Variants in DNAJB4 observed in about 807,000 individuals in gnomAD.
The protein encoded by DNAJB4 is DnaJ heat shock protein family (Hsp40) member B4, also known as dnaJ homolog subfamily B member 4.
Under a neutral mutation model 26.6 loss-of-function variants are expected in DNAJB4, and 10 were observed. That is an observed-to-expected ratio of 0.38 (90% CI 0.23 to 0.64). The LOEUF (loss-of-function observed/expected upper bound fraction) is 0.64. Among genes scored for constraint, DNAJB4 ranks in the 30% least tolerant of loss-of-function variants. The pLI is 0.58. For missense variants in DNAJB4, 328 were observed against 408.2 expected, an observed-to-expected ratio of 0.80 and a Z score of 1.69; for synonymous variants, 136 against 134.8, an observed-to-expected ratio of 1.01 and a Z score of -0.06.
intron 1 of DNAJB4, among the ~76,000 whole-genome samples, chr1:78,009,962 G>T (rs1051601544): frequency 1.4e-5 from 2 of 144,080 alleles, no homozygotes; most frequent in Non-Finnish European, 2.9e-5. Context: ...TTCGTTCTTT[G>T]TCTGAGCTGC....
intron 1 of DNAJB4, among the ~76,000 whole-genome samples, chr1:78,012,802 C>T (rs1660526360): frequency 1.8e-5 from 2 of 111,454 alleles, no homozygotes; most frequent in Non-Finnish European, 4.2e-5. Context: ...AAGAGCGAAA[C>T]TCTGTCTCAA....
At chr1:78,013,019 T>G in intron 1 of DNAJB4, 32 bp from the exon 2 acceptor site, 1 of 1,519,406 alleles carries the variant, frequency 6.6e-7, no homozygotes, top group Non-Finnish European at 8.8e-7. Flanking sequence ...AGTTGCAAGC[T>G]TTTTTCTAAT....
upstream of DNAJB4, chr1:77,979,176 C>T (rs1445842183): frequency 2.9e-5 from 19 of 652,488 alleles, no homozygotes; most frequent in South Asian, 2.2e-4. Context: ...CGAGGCAACG[C>T]GCTGGTGTGG....
chr1:78,014,591 T>TCTA (rs1242644846), intron 2 of DNAJB4, among the ~76,000 whole-genome samples: 2 of 152,036 alleles, frequency 1.3e-5, no homozygotes, highest in Non-Finnish European at 2.9e-5. Context: ...CCAAGTTTGC[T>TCTA]CTATTATTAT....
At chr1:77,983,405 A>T (rs1391131431) in intron 1 of DNAJB4, among the ~76,000 whole-genome samples, 1 of 152,144 alleles carries the variant, frequency 6.6e-6, no homozygotes, top group Admixed American at 6.5e-5. Flanking sequence ...AATCCTCCTC[A>T]GCACAGACCC....
At chr1:77,993,559 G>A (rs763588287) in intron 1 of DNAJB4, among the ~76,000 whole-genome samples, 4 of 151,950 alleles carry the variant, frequency 2.6e-5, no homozygotes, top group African/African-American at 7.3e-5. Flanking sequence ...CAATTGATCC[G>A]CCCTCCTTGG....
intron 1 of DNAJB4, among the ~76,000 whole-genome samples, chr1:77,988,213 G>A (rs750938447): frequency 2.6e-5 from 4 of 151,874 alleles, no homozygotes; most frequent in Non-Finnish European, 5.9e-5. Context: ...TGTAGAGGCA[G>A]AGTATTGTTA....
At chr1:77,988,839 G>A (rs1371725136) in intron 1 of DNAJB4, among the ~76,000 whole-genome samples, 1 of 152,146 alleles carries the variant, frequency 6.6e-6, no homozygotes, top group East Asian at 1.9e-4. Context: ...ATGAGGCAGG[G>A]ATTTTTGTTC....
chr1:77,995,077 A>G (rs987347506), intron 1 of DNAJB4, among the ~76,000 whole-genome samples: 3 of 152,194 alleles, frequency 2.0e-5, no homozygotes, highest in Non-Finnish European at 2.9e-5. Context: ...ACTGAAATGT[A>G]CCTATCTGAA....
chr1:78,001,146 A>G (rs772712548), upstream of DNAJB4, among the ~76,000 whole-genome samples: 1 of 152,030 alleles, frequency 6.6e-6, no homozygotes, highest in Admixed American at 6.6e-5. Flanking sequence ...GGAGTTGGAG[A>G]CTAGCCTGGG....
chr1:78,005,192 G>T lies in DNAJB4; in HGVS notation c.82G>T (p.Ala28Ser). The part of the protein sequence containing the change: ...EDIKKAYRKQ[A>S]LKFHPDKNKS... ...TATTAAAAAGGCTTACCGAAAACAAGCCCTCAAATTTCATCCGGACAAGAA... is the reference window on the plus strand; with the variant it reads ...TATTAAAAAGGCTTACCGAAAACAATCCCTCAAATTTCATCCGGACAAGAA... Residue 28 changes from alanine (A) to serine (S), a missense_variant, in exon 1 of 3, where the codon GCC becomes TCC. Coordinates refer to ENST00000370763, the MANE Select transcript of DNAJB4 (RefSeq NM_007034.5). 6.2e-7 allele frequency: 1 copy of T among 1,614,086 alleles called. No individual in the cohort carries two copies. The highest frequency in any genetic ancestry group is 8.5e-7 in the Non-Finnish European group (1 of 1,179,984).
chr1:77,990,712 C>G (rs1039628238), intron 1 of DNAJB4, among the ~76,000 whole-genome samples: 4 of 152,312 alleles, frequency 2.6e-5, no homozygotes, highest in Middle Eastern at 6.8e-3. Flanking sequence ...CTTTGTCAAT[C>G]CAGAAATGGG....
At chr1:77,998,842 CTAAA>C (rs34957865) in intron 1 of DNAJB4, among the ~76,000 whole-genome samples, 37 of 150,234 alleles carry the variant, frequency 2.5e-4, no homozygotes, top group Admixed American at 7.3e-4. Context: ...GATCCTGTCT[CTAAA>C]TAAATAAATA....
rs761496680 is a variant in DNAJB4, at chr1:78,016,249, A to G, written c.*2A>G. The G allele has an allele frequency of 1.9e-6, 3 of 1,610,562 alleles. No individual in the cohort carries two copies. The highest frequency in any genetic ancestry group is 2.5e-6 in the Non-Finnish European group (3 of 1,177,500). On this transcript the variant is annotated 3_prime_UTR_variant, in exon 3 of 3. Transcript: ENST00000370763. ...AGGAAACATCTTCCTGCCTCATAGA[A>G]TGAAGAACTTTGTTACACATATTTT...
chr1:78,001,341 A>AAAAG (rs1232322330), upstream of DNAJB4, among the ~76,000 whole-genome samples: 1 of 89,406 alleles, frequency 1.1e-5, no homozygotes, highest in Admixed American at 9.2e-5. Flanking sequence ...CCCATCTCAA[A>AAAAG]AAAGAAAAAA....
chr1:78,004,639 C>T (rs1660280750), upstream of DNAJB4: 1 of 154,612 alleles, frequency 6.5e-6, no homozygotes, highest in Admixed American at 6.4e-5. Context: ...ATGATTTTCA[C>T]CTAGTATGGA....
intron 2 of DNAJB4, among the ~76,000 whole-genome samples, chr1:78,014,510 G>C (rs965219155): frequency 6.6e-6 from 1 of 152,098 alleles, no homozygotes; most frequent in Admixed American, 6.5e-5. Context: ...CTACCATAAA[G>C]TCCAAACTCT....
chr1:77,988,015 ATG>A (rs1217967124), intron 1 of DNAJB4, among the ~76,000 whole-genome samples: 4 of 145,012 alleles, frequency 2.8e-5, no homozygotes, highest in South Asian at 4.4e-4. Context: ...TTATATATAT[ATG>A]TGTGTGTGTG....
At position 78,014,777 on chromosome 1, in the gene DNAJB4, T is replaced by G. The variant is rs528392016; in HGVS notation, c.780+1158T>G. 7.6e-4 allele frequency among the ~76,000 whole-genome samples: 116 copies of G among 152,016 alleles called. 2 individuals are homozygous for G. The Middle Eastern group carries it at 0.027, about 36-fold the overall frequency. The stretch of plus-strand genomic sequence containing the variant: ...CACCATGCCCAGCTGATTTTCATAT[T>G]TTTAGTAGCGATAGGTTTTCACCAT... On this transcript the variant is annotated intron_variant, in intron 2 of 2. Coordinates refer to ENST00000370763, the MANE Select transcript of DNAJB4 (RefSeq NM_007034.5).
Sources: gnomAD v4.1 joint callset for allele counts (sites outside exome capture counted in the v4.1 genomes callset) on GRCh38, gnomAD v4.1.1 for gene constraint, MANE v1.5 for transcripts, NCBI Gene and HGNC (gene_info 2026-07-23, HGNC 2026-07-21) for gene names.